MEGF11: variants seen among roughly 807,000 people sequenced by gnomAD.
The protein encoded by MEGF11 is multiple epidermal growth factor-like domains protein 11.
Under a neutral mutation model 146.6 loss-of-function variants are expected in MEGF11, and 126 were observed. The observed-to-expected ratio is 0.86, with a 90% confidence interval of 0.74 to 1.00. The LOEUF (loss-of-function observed/expected upper bound fraction) is 1.00. MEGF11 is among the 50% of genes least tolerant of loss of function. MEGF11 has a pLI of 0.00. For missense variants in MEGF11, 1,509 were observed against 1,521.2 expected, an observed-to-expected ratio of 0.99 and a Z score of 0.13; for synonymous variants, 532 against 583.4, an observed-to-expected ratio of 0.91 and a Z score of 1.27.
intron 1 of MEGF11, among the ~76,000 whole-genome samples, chr15:66,139,855 T>G (rs1234716811): frequency 1.3e-5 from 2 of 152,170 alleles, no homozygotes; most frequent in African/African-American, 2.4e-5. Flanking sequence ...AGGCAGGTTA[T>G]GAGGAGGAAG....
chr15:66,220,553 T>C (rs2091709600), intron 1 of MEGF11, among the ~76,000 whole-genome samples: 1 of 150,914 alleles, frequency 6.6e-6, no homozygotes, highest in Non-Finnish European at 1.5e-5. Flanking sequence ...TTTGCTTTGT[T>C]TTGAGACAGG....
intron 7 of MEGF11, among the ~76,000 whole-genome samples, chr15:65,977,981 A>G (rs2141660253): frequency 6.6e-6 from 1 of 152,076 alleles, no homozygotes; most frequent in East Asian, 1.9e-4. Flanking sequence ...CTTTGCAAAG[A>G]CCCCTCCTGA....
At position 65,898,089 on chromosome 15, in the gene MEGF11, T is replaced by A. The variant is rs751736825; in HGVS notation, c.3268A>T (p.Thr1090Ser). Residue 1090 changes from threonine to serine, a missense_variant, in exon 26 of 26, where the codon ACA becomes TCA. By Grantham distance (58) the Thr-to-Ser change is moderately conservative. Coordinates refer to ENST00000395614, the MANE Select transcript of MEGF11 (RefSeq NM_001385028.1). The part of the protein sequence containing the change: ...SNKNIYEVEP[T>S]VSVVQEGCGH... ...CAACCTTCTTGGACCACACTGACTG[T>A]GGGCTCTAAGAAATATAGTGAAAAA... The A allele has an allele frequency of 9.3e-6, 15 of 1,613,046 alleles. No individual in the cohort carries two copies. The Admixed American group carries it at 1.0e-4, about 11-fold the overall frequency.
At chr15:65,941,333 C>T (rs1001225848) in intron 10 of MEGF11, among the ~76,000 whole-genome samples, 2 of 151,714 alleles carry the variant, frequency 1.3e-5, no homozygotes, top group African/African-American at 4.8e-5. Context: ...CAAGAATAGC[C>T]TAAACTTGGG....
At chr15:66,058,464 G>T (rs993967972) in intron 5 of MEGF11, among the ~76,000 whole-genome samples, 2 of 152,196 alleles carry the variant, frequency 1.3e-5, no homozygotes, top group Non-Finnish European at 1.5e-5. Context: ...GCAGTTTCAG[G>T]AGCTGTTAAT....
intron 5 of MEGF11, among the ~76,000 whole-genome samples, chr15:66,028,248 A>G (rs1452974524): frequency 1.3e-5 from 2 of 152,234 alleles, no homozygotes; most frequent in African/African-American, 4.8e-5. Context: ...AGACCCTGCC[A>G]CATAGTAAGT....
chr15:66,201,940 C>T (rs1025248900), intron 1 of MEGF11, among the ~76,000 whole-genome samples: 4 of 110,546 alleles, frequency 3.6e-5, no homozygotes, highest in Admixed American at 2.1e-4. Flanking sequence ...GAGCAAGACT[C>T]CATCTCAAAA....
At chr15:66,055,052 G>C (rs2084621310) in intron 5 of MEGF11, among the ~76,000 whole-genome samples, 1 of 152,202 alleles carries the variant, frequency 6.6e-6, no homozygotes, top group Non-Finnish European at 1.5e-5. Context: ...CTGGGTGACT[G>C]GGTAGCCATC....
intron 4 of MEGF11, among the ~76,000 whole-genome samples, chr15:66,109,581 A>T (rs2087278744): frequency 6.6e-6 from 1 of 152,218 alleles, no homozygotes; most frequent in African/African-American, 2.4e-5. Flanking sequence ...AAGCCGAGGT[A>T]TGGAGAGGCA....
Position 66,196,346 on chromosome 15 carries a change from C to T in MEGF11, c.-9+57259G>A, listed in dbSNP as rs570582943. Among the ~76,000 whole-genome samples, 469 of 152,156 alleles carry T rather than the reference C, an allele frequency of 3.1e-3. 2 individuals carry two copies. Among genetic ancestry groups the T allele is most frequent in the African/African-American group, 0.011 (439 of 41,488 alleles). On this transcript the variant is annotated intron_variant, in intron 1 of 25. Coordinates refer to ENST00000395614, the MANE Select transcript of MEGF11 (RefSeq NM_001385028.1). ...AATTAGCCGGGCATGGTGTCGGGCG[C>T]CTGTAATCCCAGCTACTCGAGAGGC...
At chr15:66,172,278 C>T (rs1372074705) in intron 1 of MEGF11, among the ~76,000 whole-genome samples, 1 of 152,204 alleles carries the variant, frequency 6.6e-6, no homozygotes, top group African/African-American at 2.4e-5. Flanking sequence ...TCTCCTCTCA[C>T]CCTGCCTCCC....
chr15:65,899,977 G>A (rs2078454074), intron 24 of MEGF11, among the ~76,000 whole-genome samples: 1 of 152,182 alleles, frequency 6.6e-6, no homozygotes, highest in Non-Finnish European at 1.5e-5. Context: ...CGGAAGGAAA[G>A]GGGATTCCCT....
At chr15:65,904,271 AAG>A (rs1462698666) in intron 24 of MEGF11, among the ~76,000 whole-genome samples, 4 of 152,188 alleles carry the variant, frequency 2.6e-5, no homozygotes, top group Non-Finnish European at 4.4e-5. Flanking sequence ...CTTTTTGAGA[AAG>A]AAACTGAGGT....
intron 10 of MEGF11, among the ~76,000 whole-genome samples, chr15:65,937,930 G>C (rs1238353157): frequency 6.6e-6 from 1 of 152,254 alleles, no homozygotes; most frequent in Non-Finnish European, 1.5e-5. Flanking sequence ...CAAGTGTCCA[G>C]CTGGGAACCA....
intron 9 of MEGF11, among the ~76,000 whole-genome samples, chr15:65,961,126 T>C (rs1184735865): frequency 6.6e-6 from 1 of 152,160 alleles, no homozygotes; most frequent in African/African-American, 2.4e-5. Flanking sequence ...GGAACCTTTG[T>C]CCCTCAGCAG....
At chr15:65,955,787 T>G (rs867139729) in intron 10 of MEGF11, among the ~76,000 whole-genome samples, 9 of 7,128 alleles carry the variant, frequency 1.3e-3, no homozygotes, top group Non-Finnish European at 4.2e-3. Context: ...TATATATATA[T>G]ATATATACAC....
At chr15:66,184,551 C>T (rs1287778443) in intron 1 of MEGF11, among the ~76,000 whole-genome samples, 1 of 150,908 alleles carries the variant, frequency 6.6e-6, no homozygotes, top group African/African-American at 2.4e-5. Flanking sequence ...CTCCCCACAA[C>T]CCCAAACCAC....
chr15:65,945,076 A>G (rs1237571515), intron 10 of MEGF11, among the ~76,000 whole-genome samples: 1 of 152,040 alleles, frequency 6.6e-6, no homozygotes, highest in Non-Finnish European at 1.5e-5. Context: ...TTGTATTTTT[A>G]GTAGAGGTGG....
chr15:65,947,264 G>T (rs2080228374), intron 10 of MEGF11, among the ~76,000 whole-genome samples: 1 of 152,128 alleles, frequency 6.6e-6, no homozygotes, highest in South Asian at 2.1e-4. Context: ...TGGCTGGGAG[G>T]GGCTGGGCTA....
Sources: allele counts gnomAD v4.1 joint callset (sites outside exome capture counted in the v4.1 genomes callset), GRCh38; gene constraint gnomAD v4.1.1; transcripts MANE v1.5; gene names NCBI Gene and HGNC (gene_info 2026-07-23, HGNC 2026-07-21).